CACYBP: variants seen among roughly 807,000 people sequenced by gnomAD.
The protein encoded by CACYBP is calcyclin binding protein.
CACYBP carries 11 observed loss-of-function variants against 29.6 expected under a neutral mutation model. The ratio of observed to expected loss-of-function variants is 0.37; its 90% confidence interval spans 0.23 to 0.61. CACYBP has a LOEUF of 0.61. Among genes scored for constraint, CACYBP ranks in the 20% least tolerant of loss-of-function variants. The pLI is 0.65. For missense variants in CACYBP, 163 were observed against 260.7 expected (o/e 0.63, Z 2.58); for synonymous variants, 73 against 88.3 (o/e 0.83, Z 0.97).
chr1:175,008,814 C>A, intron 5 of CACYBP, 108 bp downstream of exon 5: 1 of 683,642 alleles, frequency 1.5e-6, no homozygotes, highest in Admixed American at 2.3e-5. Context: ...AACTGTCAAA[C>A]TACCTGAAGA....
At chr1:175,004,160 G>A (rs1672559253) in intron 1 of CACYBP, among the ~76,000 whole-genome samples, 1 of 152,078 alleles carries the variant, frequency 6.6e-6, no homozygotes. Context: ...CATTACCTCA[G>A]TTAAGTTTGC....
chr1:175,000,013 C>T lies in CACYBP; in HGVS notation c.-168C>T, dbSNP rs1672422456. On this transcript the variant is annotated 5_prime_UTR_variant, in exon 1 of 6. Transcript: ENST00000367679. ...CCTCGCGAAGGTTCGAGATCCGTCG[C>T]GTGCGGGAGGCGGGCCGCGATCTTG... is the stretch of plus-strand genomic sequence containing the variant. The T allele has an allele frequency of 3.1e-6, 3 of 957,976 alleles. No homozygotes were observed. Among genetic ancestry groups the T allele is most frequent in the African/African-American group, 3.4e-5 (2 of 58,462 alleles). The allele number at this position is 957,976 out of a possible 1,614,324, so 59.3% of individuals were successfully genotyped here. A position where few individuals can be genotyped will look rare whatever the true frequency, so the allele number is the denominator to read the frequency against.
chr1:175,000,211 C>A lies in CACYBP; in HGVS notation c.15+16C>A. The stretch of plus-strand genomic sequence containing the variant: ...TTCAGAAGAGGTAAGTGGTCCGGCC[C>A]CATATTCCTTATGCCCCCCGGCTGG... On this transcript the variant is annotated intron_variant, in intron 1 of 5. Coordinates refer to ENST00000367679, the MANE Select transcript of CACYBP (RefSeq NM_014412.3). 6.2e-7 allele frequency: 1 copy of A among 1,603,002 alleles called. No individual in the cohort carries two copies. Among genetic ancestry groups the A allele is most frequent in the Non-Finnish European group, 8.5e-7 (1 of 1,174,938 alleles).
intron 5 of CACYBP, among the ~76,000 whole-genome samples, chr1:175,009,095 G>A (rs774672708): frequency 1.3e-5 from 2 of 152,164 alleles, no homozygotes; most frequent in Non-Finnish European, 2.9e-5. Context: ...TTAAAAATGT[G>A]TATTCAATGA....
chr1:175,008,934 A>G (rs939669034), intron 5 of CACYBP: 3 of 434,490 alleles, frequency 6.9e-6, no homozygotes, highest in Non-Finnish European at 8.3e-6. Flanking sequence ...AACTGTGCCC[A>G]TTCCCAGATA....
chr1:175,004,911 A>C, intron 2 of CACYBP, 78 bp downstream of exon 2: 1 of 946,026 alleles, frequency 1.1e-6, no homozygotes, highest in Non-Finnish European at 1.7e-6. Flanking sequence ...TTCATCCCCA[A>C]TGAGTTTTGA....
chr1:175,003,484 T>C (rs1672542736), intron 1 of CACYBP, among the ~76,000 whole-genome samples: 1 of 152,224 alleles, frequency 6.6e-6, no homozygotes, highest in Non-Finnish European at 1.5e-5. Context: ...CTGAGTTAAA[T>C]GAGATAACAA....
chr1:175,002,159 G>A (rs575121351), intron 1 of CACYBP, among the ~76,000 whole-genome samples: 4 of 152,146 alleles, frequency 2.6e-5, no homozygotes, highest in Non-Finnish European at 5.9e-5. Flanking sequence ...TGGAATTACT[G>A]GTTCATATGG....
rs891550386 is a variant in CACYBP at position 175,011,258 on chromosome 1, A to G, written c.*1179A>G. On this transcript the variant is annotated 3_prime_UTR_variant, in exon 6 of 6. Transcript: ENST00000367679. The stretch of plus-strand genomic sequence containing the variant: ...ATGTATAGGATAGCTATAAGTAAAT[A>G]CTGAAACACATTATGCCTCTGTAAT... 5.9e-5 allele frequency: 9 copies of G among 152,206 alleles called. No individual in the cohort carries two copies. Among genetic ancestry groups the G allele is most frequent in the African/African-American group, 1.9e-4 (8 of 41,452 alleles). 9.4% of individuals were successfully genotyped at this position (152,206 alleles called of 1,614,324 possible). A position where few individuals can be genotyped will look rare whatever the true frequency, so the allele number is the denominator to read the frequency against.
intron 4 of CACYBP, 100 bp from the exon 5 acceptor site, chr1:175,008,509 T>C (rs1672671604): frequency 2.9e-6 from 2 of 695,168 alleles, no homozygotes; most frequent in South Asian, 1.8e-5. Flanking sequence ...AGTCTATACA[T>C]ACTAGGGACT....
In CACYBP at chr1:175,000,123, T is replaced by C; in HGVS notation, c.-58T>C. ...CTCGGTTTGAGGGCTCGGCGCGGGG[T>C]TTCCTGTTCCTCCTTCTGCGCGGCT... On this transcript the variant is annotated 5_prime_UTR_variant, in exon 1 of 6. Transcript: ENST00000367679. 1 of 1,571,766 alleles carries C rather than the reference T, an allele frequency of 6.4e-7. No individual in the cohort carries two copies. Among genetic ancestry groups the C allele is most frequent in the African/African-American group, 1.4e-5 (1 of 73,410 alleles).
At chr1:175,000,662 G>A (rs1672454536) in intron 1 of CACYBP, 1 of 978,056 alleles carries the variant, frequency 1.0e-6, no homozygotes, top group Non-Finnish European at 1.2e-6. Context: ...ACGAGGAGCT[G>A]TGTTACTCTG....
Position 174,999,958 on chromosome 1 carries a change from C to A in CACYBP, c.-223C>A, listed in dbSNP as rs994999233. The A allele has an allele frequency of 4.9e-6, 3 of 616,238 alleles. No homozygotes were observed. The highest frequency in any genetic ancestry group is 8.3e-6 in the Non-Finnish European group (3 of 362,270). 38.2% of individuals were successfully genotyped at this position (616,238 alleles called of 1,614,324 possible). The stretch of plus-strand genomic sequence containing the variant: ...GTGGAGCCAGGCTTGGCGGGCTGTG[C>A]GTGCTCGCGGTGGGCGGTGGCGGCG... On this transcript the variant is annotated 5_prime_UTR_variant, in exon 1 of 6. Coordinates refer to ENST00000367679, the MANE Select transcript of CACYBP (RefSeq NM_014412.3).
chr1:175,008,728 T>G (rs765577153), intron 5 of CACYBP, 22 bp downstream of exon 5: 2 of 1,102,984 alleles, frequency 1.8e-6, no homozygotes, highest in East Asian at 4.7e-5. Flanking sequence ...TCCATTTTTT[T>G]AAAGAATTTT....
At chr1:175,003,561 C>T (rs1330991831) in intron 1 of CACYBP, among the ~76,000 whole-genome samples, 1 of 152,198 alleles carries the variant, frequency 6.6e-6, no homozygotes, top group African/African-American at 2.4e-5. Context: ...AAGAAACAGG[C>T]TTTCAAACTC....
intron 1 of CACYBP, 160 bp downstream of exon 1, chr1:175,000,355 G>T: frequency 7.0e-7 from 1 of 1,431,628 alleles, no homozygotes. Flanking sequence ...CTCGCCCCTT[G>T]CTGCGCCGTC....
At position 175,008,846 on chromosome 1, in the gene CACYBP, T is replaced by C. The variant is rs988423928; in HGVS notation, c.530+140T>C. The C allele has an allele frequency of 1.1e-5, 7 of 618,656 alleles. No individual in the cohort carries two copies. In the African/African-American group the frequency reaches 1.3e-4, roughly 11 times the overall value. The allele number at this position is 618,656 out of a possible 1,614,324, so 38.3% of individuals were successfully genotyped here. A position where few individuals can be genotyped will look rare whatever the true frequency, so the allele number is the denominator to read the frequency against. On this transcript the variant is annotated intron_variant, in intron 5 of 5. Transcript: ENST00000367679. Reference sequence around the variant, plus strand: ...AAGAGGGCACGTCCAGCAAGTTGCTTTTTAAGGTCTTTGTAGTTAAGGGTT... The same window carrying C: ...AAGAGGGCACGTCCAGCAAGTTGCTCTTTAAGGTCTTTGTAGTTAAGGGTT...
intron 2 of CACYBP, 35 bp from the exon 3 acceptor site, chr1:175,006,710 C>A: frequency 1.9e-6 from 2 of 1,060,552 alleles, no homozygotes; most frequent in Non-Finnish European, 2.9e-6. Context: ...GTTTCAGAGG[C>A]TTACTTACGT....
chr1:175,009,077 A>C (rs1009967743), intron 5 of CACYBP, among the ~76,000 whole-genome samples: 2 of 152,220 alleles, frequency 1.3e-5, no homozygotes, highest in Non-Finnish European at 2.9e-5. Context: ...CTTCTTAATA[A>C]TGACCTTTTA....
Sources: gnomAD v4.1 joint callset for allele counts (sites outside exome capture counted in the v4.1 genomes callset) on GRCh38, gnomAD v4.1.1 for gene constraint, MANE v1.5 for transcripts, NCBI Gene and HGNC (gene_info 2026-07-23, HGNC 2026-07-21) for gene names.